The following FAM83D variants were observed in gnomAD, a reference collection of about 807,000 sequenced individuals.
The protein encoded by FAM83D is scaffolding CK1 anchoring protein D, also known as protein FAM83D.
In FAM83D, 26 loss-of-function variants were observed where a neutral mutation model predicts 25.4. The observed-to-expected ratio is 1.02, with a 90% CI of 0.75 to 1.42. The LOEUF is 1.42. Ranked by LOEUF, FAM83D falls within the 40% of genes most tolerant of loss-of-function variation. FAM83D has a pLI of 0.00. For missense variants in FAM83D, 740 were observed against 758.1 expected (o/e 0.98, Z 0.28); for synonymous variants, 310 against 318.5 (o/e 0.97, Z 0.28).
Position 38,951,969 on chromosome 20 carries a change from A to G in FAM83D, c.1207A>G (p.Ser403Gly), listed in dbSNP as rs1446468504. Residue 403 changes from serine (S) to glycine (G), a missense_variant, in exon 4 of 4, where the codon AGT (serine) becomes GGT (glycine). By Grantham distance (56) the Ser-to-Gly change is moderately conservative. This residue lies in a region of FAM83D where 375 missense variants were observed against 403.2 expected (regional missense o/e 0.93). Transcript: ENST00000619850. ...GCCAGGAGAGGAGATGCCAGGGCTGAGTGTGAGTGAGGTGGGAACACAAAC... is the reference window on the plus strand; with the variant it reads ...GCCAGGAGAGGAGATGCCAGGGCTGGGTGTGAGTGAGGTGGGAACACAAAC... ...TEPGEEMPGL[S>G]VSEVGTQTSI... 5 of 1,614,038 alleles carry G rather than the reference A, an allele frequency of 3.1e-6. No individual in the cohort carries two copies. The African/African-American group carries it at 6.7e-5, about 22-fold the overall frequency.
At position 38,931,331 on chromosome 20, in the gene FAM83D, G is replaced by A. The variant is rs550786678; in HGVS notation, c.483+4406G>A. ...CCTCCTCAACCCATCAAGTGGGGAA[G>A]GTGGTTCATGATGCCAGGAGAACAT... is the stretch of plus-strand genomic sequence containing the variant. On this transcript the variant is annotated intron_variant, in intron 1 of 3. Coordinates refer to ENST00000619850, the MANE Select transcript of FAM83D (RefSeq NM_030919.3). Among the ~76,000 whole-genome samples the A allele has an allele frequency of 2.0e-5, 3 of 152,354 alleles. No homozygotes were observed. In the South Asian group the frequency reaches 6.2e-4, roughly 32 times the overall value.
rs370553221 is a variant in FAM83D, at chr20:38,951,818, A to G, written c.1056A>G (p.Ala352=). 1.9e-6 allele frequency: 3 copies of G among 1,614,084 alleles called. No homozygotes were observed. Among genetic ancestry groups the G allele is most frequent in the African/African-American group, 2.7e-5 (2 of 74,942 alleles). ...RKADLDPEMP[A]EGKAERKPHD... ...CGGACCTGGACCCAGAGATGCCCGCAGAGGGCAAGGCAGAGCGCAAGCCCC... is the reference window on the plus strand; with the variant it reads ...CGGACCTGGACCCAGAGATGCCCGCGGAGGGCAAGGCAGAGCGCAAGCCCC... The change falls in exon 4 of 4, where the codon GCA becomes GCG. Residue 352 remains alanine, a synonymous_variant. Coordinates refer to ENST00000619850, the MANE Select transcript of FAM83D (RefSeq NM_030919.3).
At chr20:38,943,939 G>A (rs761595391) in intron 2 of FAM83D, among the ~76,000 whole-genome samples, 11 of 152,078 alleles carry the variant, frequency 7.2e-5, no homozygotes, top group Admixed American at 4.6e-4. Context: ...TGATCCACCC[G>A]CCTCGGCCTC....
chr20:38,943,856 A>G (rs1325212809), intron 2 of FAM83D, among the ~76,000 whole-genome samples: 1 of 152,008 alleles, frequency 6.6e-6, no homozygotes, highest in Non-Finnish European at 1.5e-5. Flanking sequence ...ACACCCGACT[A>G]ATTTTTTGTA....
intron 2 of FAM83D, among the ~76,000 whole-genome samples, chr20:38,944,437 G>T (rs537568944): frequency 6.6e-6 from 1 of 152,166 alleles, no homozygotes; most frequent in Non-Finnish European, 1.5e-5. Context: ...GAAATGGAAG[G>T]TATCAGTGTT....
intron 3 of FAM83D, among the ~76,000 whole-genome samples, chr20:38,950,774 T>G (rs1166755348): frequency 6.6e-6 from 1 of 152,170 alleles, no homozygotes; most frequent in African/African-American, 2.4e-5. Flanking sequence ...AAAATGGGGA[T>G]GCTGGCCTAA....
At chr20:38,931,150 A>G (rs1008458151) in intron 1 of FAM83D, among the ~76,000 whole-genome samples, 1 of 152,256 alleles carries the variant, frequency 6.6e-6, no homozygotes, top group African/African-American at 2.4e-5. Context: ...AGTTTTCAAC[A>G]GGCTGAAGGT....
At chr20:38,938,356 C>T (rs924831245) in intron 1 of FAM83D, among the ~76,000 whole-genome samples, 2 of 152,168 alleles carry the variant, frequency 1.3e-5, no homozygotes, top group Non-Finnish European at 2.9e-5. Flanking sequence ...GTCCTTTGGC[C>T]CGTCACACTC....
intron 3 of FAM83D, 69 bp downstream of exon 3, chr20:38,948,069 A>C: frequency 1.3e-6 from 2 of 1,572,334 alleles, no homozygotes; most frequent in Non-Finnish European, 1.7e-6. Context: ...TGTAAAGGTA[A>C]AAGCCTTTTC....
In FAM83D at chr20:38,948,005, G is replaced by T. The variant is rs765320139; in HGVS notation, c.776+5G>T. The T allele has an allele frequency of 5.0e-6, 8 of 1,614,100 alleles. No individual in the cohort carries two copies. The highest frequency in any genetic ancestry group is 2.5e-6 in the Non-Finnish European group (3 of 1,179,998). On this transcript the variant is annotated splice_donor_5th_base_variant and intron_variant, in intron 3 of 3. Coordinates refer to ENST00000619850, the MANE Select transcript of FAM83D (RefSeq NM_030919.3). ...CGTGGCAACAGGCTCCTACAGGTAA[G>T]TCTCTAACCCGTCCAAGGCTTATTA...
chr20:38,935,690 C>G lies in FAM83D; in HGVS notation c.484-6269C>G, dbSNP rs543915956. ...CAAACTCCTGGCCTCAAGTGATCCT[C>G]CCACCTTAGCCTCCTAAAGTATTGG... On this transcript the variant is annotated intron_variant, in intron 1 of 3. Transcript: ENST00000619850. Among the ~76,000 whole-genome samples the G allele has an allele frequency of 6.3e-4, 96 of 152,306 alleles. 1 individual carries two copies. Among genetic ancestry groups the G allele is most frequent in the African/African-American group, 2.3e-3 (95 of 41,558 alleles).
intron 1 of FAM83D, among the ~76,000 whole-genome samples, chr20:38,930,659 T>C (rs1021310897): frequency 2.0e-5 from 3 of 152,002 alleles, no homozygotes; most frequent in African/African-American, 7.3e-5. Context: ...TTTTTCTTTT[T>C]TTTTTTGGAG....
At chr20:38,930,900 T>C (rs953890692) in intron 1 of FAM83D, among the ~76,000 whole-genome samples, 3 of 152,154 alleles carry the variant, frequency 2.0e-5, no homozygotes, top group African/African-American at 7.2e-5. Context: ...CCTCCCAAAA[T>C]GCTGGGATTA....
intron 1 of FAM83D, among the ~76,000 whole-genome samples, chr20:38,937,351 GC>G (rs77551595): frequency 0.17 from 25,486 of 152,108 alleles, 2,399 homozygotes; most frequent in East Asian, 0.34. Flanking sequence ...GCACATTATT[GC>G]CTCCAGGAGT....
chr20:38,926,921 G>C lies in FAM83D; in HGVS notation c.479G>C (p.Arg160Pro), dbSNP rs993672151. 2 of 1,452,158 alleles carry C rather than the reference G, an allele frequency of 1.4e-6. No individual in the cohort carries two copies. Among genetic ancestry groups the C allele is most frequent in the Non-Finnish European group, 1.8e-6 (2 of 1,108,606 alleles). 90.0% of individuals were successfully genotyped at this position (1,452,158 alleles called of 1,614,324 possible). The change falls in exon 1 of 4, where the codon CGA becomes CCA. Residue 160 changes from arginine to proline, a missense_variant. Coordinates refer to ENST00000619850, the MANE Select transcript of FAM83D (RefSeq NM_030919.3). ...DALRQQLRSAREVIAVVMDVF... is the reference protein window; with the variant it reads ...DALRQQLRSAPEVIAVVMDVF... ...CTGCGCCAGCAGCTCCGCTCGGCGC[G>C]AGAGGTGAGCGGCCCTCCAGGGCCC...
intron 1 of FAM83D, among the ~76,000 whole-genome samples, chr20:38,933,339 A>G (rs1458672868): frequency 6.6e-6 from 1 of 152,242 alleles, no homozygotes; most frequent in Non-Finnish European, 1.5e-5. Flanking sequence ...TTAGAAACAG[A>G]TGGTAGTGAT....
chr20:38,949,306 C>G (rs1166329928), intron 3 of FAM83D, among the ~76,000 whole-genome samples: 1 of 152,078 alleles, frequency 6.6e-6, no homozygotes, highest in African/African-American at 2.4e-5. Context: ...GGACTACAGG[C>G]ATGCCACCAT....
At chr20:38,929,790 TA>T (rs763008692) in intron 1 of FAM83D, among the ~76,000 whole-genome samples, 894 of 128,722 alleles carry the variant, frequency 6.9e-3, no homozygotes, top group African/African-American at 8.5e-3. Context: ...CCTGTCTCTT[TA>T]AAAAAAAAAA....
At chr20:38,931,203 G>A (rs528102742) in intron 1 of FAM83D, among the ~76,000 whole-genome samples, 3 of 152,316 alleles carry the variant, frequency 2.0e-5, no homozygotes, top group South Asian at 2.1e-4. Flanking sequence ...TCCATGTTGC[G>A]TATTCTATAA....
Sources: gnomAD v4.1 joint callset for allele counts (sites outside exome capture counted in the v4.1 genomes callset) on GRCh38, gnomAD v4.1.1 for gene constraint, gnomAD v4.1.1 regional missense constraint, MANE v1.5 for transcripts, NCBI Gene and HGNC (gene_info 2026-07-23, HGNC 2026-07-21) for gene names.